Variants in STX8 observed in about 807,000 individuals in gnomAD.
The protein encoded by STX8 is syntaxin-8.
Under a neutral mutation model 37.5 loss-of-function variants are expected in STX8, and 23 were observed. The observed-to-expected ratio is 0.61, with a 90% CI of 0.44 to 0.87. The LOEUF (loss-of-function observed/expected upper bound fraction) is 0.87. STX8 is among the 40% of genes least tolerant of loss of function. The pLI, the probability that STX8 is intolerant of heterozygous loss-of-function variation, is 0.00. For missense variants in STX8, 313 were observed against 284.7 expected (o/e 1.10, Z -0.71); for synonymous variants, 115 against 99.1 (o/e 1.16, Z -0.95).
chr17:9,491,956 T>A, intron 5 of STX8, 35 bp from the exon 6 acceptor site: 1 of 1,508,940 alleles, frequency 6.6e-7, no homozygotes, highest in Non-Finnish European at 9.1e-7. Context: ...AACTAGAAAC[T>A]AGAAGAAAAC....
chr17:9,269,191 A>AT (rs1288770385), intron 7 of STX8, among the ~76,000 whole-genome samples: 2 of 151,828 alleles, frequency 1.3e-5, no homozygotes, highest in South Asian at 2.1e-4. Context: ...CGTCTCAAAA[A>AT]AAAAAAAAAA....
At chr17:9,396,786 G>A (rs1461405881) in intron 6 of STX8, among the ~76,000 whole-genome samples, 7 of 150,746 alleles carry the variant, frequency 4.6e-5, no homozygotes, top group African/African-American at 7.3e-5. Flanking sequence ...ATCAAAATCC[G>A]AACTGTACAG....
chr17:9,440,709 GA>G (rs1293298628), intron 6 of STX8, among the ~76,000 whole-genome samples: 1 of 152,042 alleles, frequency 6.6e-6, no homozygotes, highest in East Asian at 1.9e-4. Context: ...ATTTTTAGTA[GA>G]GACAGGGTTT....
At chr17:9,566,559 G>A (rs532216199) in intron 2 of STX8, among the ~76,000 whole-genome samples, 5 of 152,284 alleles carry the variant, frequency 3.3e-5, no homozygotes, top group African/African-American at 1.2e-4. Context: ...GGCCGAGGTG[G>A]GTGGATCACC....
chr17:9,552,208 G>T (rs1413699534), intron 3 of STX8, among the ~76,000 whole-genome samples: 1 of 152,102 alleles, frequency 6.6e-6, no homozygotes, highest in African/African-American at 2.4e-5. Context: ...TGGGCATGGT[G>T]GCATACACCT....
At chr17:9,374,935 A>G (rs1250050906) in intron 7 of STX8, among the ~76,000 whole-genome samples, 5 of 151,714 alleles carry the variant, frequency 3.3e-5, no homozygotes, top group Non-Finnish European at 7.4e-5. Context: ...GTGGTGGTGC[A>G]CGCCTTAATC....
At chr17:9,333,782 G>A (rs1405670080) in intron 7 of STX8, among the ~76,000 whole-genome samples, 1 of 152,186 alleles carries the variant, frequency 6.6e-6, no homozygotes, top group Non-Finnish European at 1.5e-5. Flanking sequence ...CAGTCATTTT[G>A]TTGGAAAACA....
At chr17:9,405,030 G>C (rs8078384) in intron 6 of STX8, among the ~76,000 whole-genome samples, 12,306 of 151,306 alleles carry the variant, frequency 0.081, 760 homozygotes, top group East Asian at 0.31. Flanking sequence ...TTTTTTGTTT[G>C]GCTCTGTTGT....
chr17:9,557,581 C>T lies in STX8; in HGVS notation c.118-53G>A. On this transcript the variant is annotated intron_variant, in intron 2 of 7. Transcript: ENST00000306357. ...ATTCTAGTCCAGAATGTAGAATCCA[C>T]AAAATTACATCACGTAAACACTACT... 2.0e-6 allele frequency: 3 copies of T among 1,499,562 alleles called. No individual in the cohort carries two copies. The East Asian group carries it at 6.8e-5, about 34-fold the overall frequency. 92.9% of individuals were successfully genotyped at this position (1,499,562 alleles called of 1,614,324 possible).
Position 9,380,529 on chromosome 17 carries a change from C to T in STX8, c.542-1876G>A, listed in dbSNP as rs1911760985. 2.0e-5 allele frequency among the ~76,000 whole-genome samples: 3 copies of T among 151,740 alleles called. No homozygotes were observed. In the South Asian group the frequency reaches 6.2e-4, roughly 31 times the overall value. ...TCAGCCTCTCAAAGTGTTAGGATTA[C>T]AACCATGAGTCACTGTGCCTGGCCT... On this transcript the variant is annotated intron_variant, in intron 6 of 7. Coordinates refer to ENST00000306357, the MANE Select transcript of STX8 (RefSeq NM_004853.3).
chr17:9,328,468 C>T (rs1002740286), intron 7 of STX8, among the ~76,000 whole-genome samples: 14 of 152,126 alleles, frequency 9.2e-5, no homozygotes, highest in South Asian at 6.2e-4. Context: ...GTCATCTGGT[C>T]CACACTCCTT....
intron 7 of STX8, among the ~76,000 whole-genome samples, chr17:9,327,265 G>A (rs959588012): frequency 1.1e-4 from 16 of 150,338 alleles, no homozygotes; most frequent in African/African-American, 3.7e-4. Flanking sequence ...GAAGGAGGAG[G>A]AGGAAGGAGG....
intron 4 of STX8, among the ~76,000 whole-genome samples, 189 bp from the exon 5 acceptor site, chr17:9,505,351 C>A (rs1258755515): frequency 2.0e-5 from 3 of 152,172 alleles, no homozygotes; most frequent in African/African-American, 7.2e-5. Context: ...GAATAAGGCA[C>A]AAGCTTGGTC....
intron 3 of STX8, chr17:9,547,381 C>G (rs531151511): frequency 6.6e-6 from 1 of 151,934 alleles, no homozygotes; most frequent in Non-Finnish European, 1.5e-5. Flanking sequence ...TGGTGGCTTA[C>G]GCCTGTAATC....
intron 7 of STX8, among the ~76,000 whole-genome samples, chr17:9,358,309 A>G (rs758096171): frequency 1.3e-5 from 2 of 152,194 alleles, no homozygotes; most frequent in Non-Finnish European, 2.9e-5. Context: ...AGGTATGACC[A>G]TGCCACTGCA....
intron 3 of STX8, among the ~76,000 whole-genome samples, chr17:9,551,153 A>C (rs7212850): frequency 0.97 from 147,193 of 152,236 alleles, 71,364 homozygotes; most frequent in Non-Finnish European, 1. Context: ...CAGATAATTA[A>C]TTCTCCATGC....
At chr17:9,346,538 T>C (rs1214090021) in intron 7 of STX8, among the ~76,000 whole-genome samples, 1 of 152,242 alleles carries the variant, frequency 6.6e-6, no homozygotes, top group Non-Finnish European at 1.5e-5. Flanking sequence ...ATCTGGTCAC[T>C]GTTCTTGACA....
chr17:9,449,098 G>C (rs1904952184), intron 6 of STX8, among the ~76,000 whole-genome samples: 1 of 152,102 alleles, frequency 6.6e-6, no homozygotes, highest in Admixed American at 6.6e-5. Flanking sequence ...CAGTTTCTTA[G>C]AAAACTAAAC....
At chr17:9,446,673 T>C (rs1223158458) in intron 6 of STX8, among the ~76,000 whole-genome samples, 1 of 152,208 alleles carries the variant, frequency 6.6e-6, no homozygotes, top group African/African-American at 2.4e-5. Flanking sequence ...CCAGGAAATA[T>C]AGCAGTTTCC....
Sources: gnomAD v4.1 joint callset for allele counts (sites outside exome capture counted in the v4.1 genomes callset) on GRCh38, gnomAD v4.1.1 for gene constraint, MANE v1.5 for transcripts, NCBI Gene and HGNC (gene_info 2026-07-23, HGNC 2026-07-21) for gene names.